The following TLK2 variants were observed in gnomAD, a reference collection of about 807,000 sequenced individuals.
The protein encoded by TLK2 is tousled like kinase 2.
TLK2 carries 6 observed loss-of-function variants against 117.3 expected under a neutral mutation model. The ratio of observed to expected loss-of-function variants is 0.05; its 90% CI spans 0.03 to 0.10. TLK2 has a LOEUF of 0.10. Among genes scored for constraint, TLK2 ranks in the 10% least tolerant of loss-of-function variants. The pLI is 1.00. For missense variants in TLK2, 299 were observed against 901.2 expected, an observed-to-expected ratio of 0.33 and a Z score of 8.56; for synonymous variants, 257 against 316.7, an observed-to-expected ratio of 0.81 and a Z score of 2.00.
At chr17:62,544,623 T>A (rs2077772041) in intron 7 of TLK2, among the ~76,000 whole-genome samples, 2 of 152,318 alleles carry the variant, frequency 1.3e-5, no homozygotes, top group South Asian at 4.1e-4. Context: ...TTGTAATAAG[T>A]CTTGAAATTG....
At chr17:62,506,451 C>T (rs923033813) in intron 2 of TLK2, among the ~76,000 whole-genome samples, 5 of 152,184 alleles carry the variant, frequency 3.3e-5, no homozygotes, top group African/African-American at 1.2e-4. Flanking sequence ...CCTGCATCAT[C>T]TTACACCAGT....
intron 7 of TLK2, among the ~76,000 whole-genome samples, chr17:62,542,933 A>C (rs1382510814): frequency 1.3e-5 from 2 of 152,240 alleles, no homozygotes; most frequent in Non-Finnish European, 2.9e-5. Flanking sequence ...AAAACATGTT[A>C]ACATTTTGCT....
At chr17:62,575,318 T>C (rs1421065529) in intron 12 of TLK2, among the ~76,000 whole-genome samples, 1 of 152,234 alleles carries the variant, frequency 6.6e-6, no homozygotes, top group African/African-American at 2.4e-5. Flanking sequence ...TTATCCTTTC[T>C]TGGCCCCGAA....
At chr17:62,472,142 G>A (rs1195291962) in intron 1 of TLK2, among the ~76,000 whole-genome samples, 4 of 151,460 alleles carry the variant, frequency 2.6e-5, no homozygotes, top group Non-Finnish European at 5.9e-5. Flanking sequence ...TCCTGACCTC[G>A]TGATCCGCCT....
intron 11 of TLK2, among the ~76,000 whole-genome samples, chr17:62,572,041 A>T (rs2080344625): frequency 6.6e-6 from 1 of 152,000 alleles, no homozygotes; most frequent in Non-Finnish European, 1.5e-5. Context: ...ATGGTGGCGC[A>T]CACCTGTAAT....
At chr17:62,591,228 G>A (rs1053988996) in intron 16 of TLK2, among the ~76,000 whole-genome samples, 2 of 152,066 alleles carry the variant, frequency 1.3e-5, no homozygotes, top group Non-Finnish European at 2.9e-5. Context: ...CAGCCTGGGC[G>A]CCAGAGCAAG....
At chr17:62,509,030 T>TAA (rs2074943899) in intron 2 of TLK2, among the ~76,000 whole-genome samples, 1 of 152,216 alleles carries the variant, frequency 6.6e-6, no homozygotes. Flanking sequence ...GAGGCGATTA[T>TAA]AAAACTACTT....
intron 9 of TLK2, among the ~76,000 whole-genome samples, chr17:62,555,629 C>T (rs1182100036): frequency 6.6e-6 from 1 of 150,608 alleles, no homozygotes; most frequent in African/African-American, 2.4e-5. Flanking sequence ...ATTACAGGCG[C>T]CCGCCACCAC....
intron 2 of TLK2, among the ~76,000 whole-genome samples, chr17:62,513,283 C>A (rs1429659455): frequency 7.8e-6 from 1 of 128,130 alleles, no homozygotes; most frequent in Admixed American, 7.9e-5. Context: ...ATTTAAAAGT[C>A]TCTTTTTTTC....
intron 14 of TLK2, 39 bp from the exon 15 acceptor site, chr17:62,580,072 C>A (rs774558307): frequency 1.9e-6 from 3 of 1,564,982 alleles, no homozygotes; most frequent in Non-Finnish European, 2.6e-6. Flanking sequence ...AGACTGTAGT[C>A]CATGATCTCA....
At chr17:62,596,709 T>C in intron 17 of TLK2, 35 bp downstream of exon 17, 1 of 1,580,126 alleles carries the variant, frequency 6.3e-7, no homozygotes, top group South Asian at 1.1e-5. Flanking sequence ...AACAGTTATA[T>C]TATTTTCTTG....
chr17:62,560,270 T>C lies in TLK2; in HGVS notation c.831+144T>C, dbSNP rs2079160030. 8.9e-6 allele frequency: 5 copies of C among 559,356 alleles called. No individual in the cohort carries two copies. In the Admixed American group the frequency reaches 2.0e-4, roughly 22 times the overall value. 34.6% of individuals were successfully genotyped at this position (559,356 alleles called of 1,614,324 possible). On this transcript the variant is annotated intron_variant, in intron 10 of 21. Coordinates refer to ENST00000346027, the MANE Select transcript of TLK2 (RefSeq NM_006852.6). Reference sequence around the variant, plus strand: ...TGATTTGACAATTAGAATTTTTTCCTTACATGGACACCAGACCAACCATCC... The same window carrying C: ...TGATTTGACAATTAGAATTTTTTCCCTACATGGACACCAGACCAACCATCC...
intron 2 of TLK2, among the ~76,000 whole-genome samples, chr17:62,515,232 G>A (rs1238453977): frequency 6.6e-6 from 1 of 152,196 alleles, no homozygotes; most frequent in Non-Finnish European, 1.5e-5. Flanking sequence ...TTCATATGTT[G>A]ATGGATATTT....
chr17:62,536,177 T>C lies in TLK2; in HGVS notation c.371T>C (p.Val124Ala). The C allele has an allele frequency of 6.2e-7, 1 of 1,610,776 alleles. No individual in the cohort carries two copies. Among genetic ancestry groups the C allele is most frequent in the Non-Finnish European group, 8.5e-7 (1 of 1,179,016 alleles). The part of the protein sequence containing the change: ...HSLSNPLPRR[V>A]EQPLYGLDGS... ...TTCTTTACTGTTTTCCAGCGACGAG[T>C]AGAACAGCCCCTCTATGGTTTAGAT... is the stretch of plus-strand genomic sequence containing the variant. Residue 124 changes from valine (V) to alanine (A), a missense_variant, in exon 7 of 22, where the codon GTA (valine) becomes GCA (alanine). Around this residue, in one of 4 missense-constraint regions of TLK2, gnomAD observed 105 missense variants for 218.4 expected, o/e 0.48. Transcript: ENST00000346027.
In TLK2 at chr17:62,481,073, C is replaced by T. The variant is rs1177654412; in HGVS notation, c.-5-48C>T. ...GTTTTGTTCTACAGAAAATTGCCTC[C>T]TCACATTTTAGTGTTTATGGTTTCA... On this transcript the variant is annotated intron_variant, in intron 1 of 21. Coordinates refer to ENST00000346027, the MANE Select transcript of TLK2 (RefSeq NM_006852.6). 3.2e-6 allele frequency: 5 copies of T among 1,585,984 alleles called. No individual in the cohort carries two copies. The Admixed American group carries it at 5.2e-5, about 16-fold the overall frequency.
intron 2 of TLK2, among the ~76,000 whole-genome samples, chr17:62,501,994 G>A (rs950374092): frequency 6.9e-6 from 1 of 144,570 alleles, no homozygotes; most frequent in African/African-American, 2.6e-5. Context: ...GGCTTTGTTG[G>A]TAAATTCTAT....
At chr17:62,533,479 ATTT>A (rs1257061379) in intron 6 of TLK2, among the ~76,000 whole-genome samples, 1 of 115,002 alleles carries the variant, frequency 8.7e-6, no homozygotes. Context: ...TGTGTGTGTA[ATTT>A]TTTTTTTTTT....
intron 11 of TLK2, among the ~76,000 whole-genome samples, chr17:62,569,816 G>A (rs1016962095): frequency 2.6e-5 from 4 of 152,112 alleles, no homozygotes; most frequent in African/African-American, 7.2e-5. Flanking sequence ...CCGCATTTCA[G>A]TTCCTGGGAT....
intron 12 of TLK2, 93 bp from the exon 13 acceptor site, chr17:62,576,616 G>A: frequency 1.0e-6 from 1 of 966,842 alleles, no homozygotes; most frequent in Non-Finnish European, 1.7e-6. Context: ...GACTGAAACT[G>A]AATATGTCTT....
Sources: allele counts gnomAD v4.1 joint callset (sites outside exome capture counted in the v4.1 genomes callset), GRCh38; gene constraint gnomAD v4.1.1; regional missense constraint gnomAD v4.1.1; transcripts MANE v1.5; gene names NCBI Gene and HGNC (gene_info 2026-07-23, HGNC 2026-07-21).